The following CEP63 variants were observed in gnomAD, a reference collection of about 807,000 sequenced individuals.
The protein encoded by CEP63 is centrosomal protein of 63 kDa.
In CEP63, 84 loss-of-function variants were observed where a neutral mutation model predicts 89.1. The ratio of observed to expected loss-of-function variants is 0.94; its 90% CI spans 0.79 to 1.13. The LOEUF is 1.13. Ranked by LOEUF, CEP63 falls within the 50% of genes most tolerant of loss-of-function variation. The probability of loss-of-function intolerance (pLI) is 0.00; values close to 1 mark genes in which losing one functional copy is unlikely to be tolerated. For synonymous variants in CEP63, 267 were observed against 272.5 expected (o/e 0.98, Z 0.20); for missense variants, 838 against 813.3 (o/e 1.03, Z -0.37).
chr3:134,538,523 G>A (rs1478180245), intron 6 of CEP63, among the ~76,000 whole-genome samples: 1 of 111,626 alleles, frequency 9.0e-6, no homozygotes, highest in Non-Finnish European at 1.9e-5. Flanking sequence ...ATAAGAAATT[G>A]TGTGTGTGTG....
At chr3:134,508,483 C>T (rs1944018896) in intron 3 of CEP63, among the ~76,000 whole-genome samples, 1 of 152,098 alleles carries the variant, frequency 6.6e-6, no homozygotes, top group Non-Finnish European at 1.5e-5. Flanking sequence ...TTAGCTAGCA[C>T]TTTGTTTCTC....
chr3:134,733,976 G>A, the CEP63 span, among the ~76,000 whole-genome samples: 1 of 152,150 alleles, frequency 6.6e-6, no homozygotes, highest in African/African-American at 2.4e-5. Context: ...AAGCAAAGAT[G>A]CCCACTAACT....
At chr3:134,597,230 G>C in the CEP63 span, among the ~76,000 whole-genome samples, 1 of 152,214 alleles carries the variant, frequency 6.6e-6, no homozygotes, top group Non-Finnish European at 1.5e-5. Context: ...GCAGGGGCAA[G>C]AGGGAGAGAA....
intron 3 of CEP63, among the ~76,000 whole-genome samples, chr3:134,529,339 C>CTTTTTT (rs66493822): frequency 2.6e-5 from 3 of 116,938 alleles, no homozygotes; most frequent in Non-Finnish European, 5.0e-5. Context: ...TCCCCATTGA[C>CTTTTTT]TTTTTTTTTT....
At chr3:134,608,127 AC>A in the CEP63 span, 1 of 1,129,730 alleles carries the variant, frequency 8.9e-7, no homozygotes, top group Non-Finnish European at 1.1e-6. Context: ...TGCTGGTTGG[AC>A]CACCAACACC....
At chr3:134,632,170 C>G in the CEP63 span, among the ~76,000 whole-genome samples, 148,467 of 152,198 alleles carry the variant, frequency 0.98, 72,519 homozygotes, top group East Asian at 1. Flanking sequence ...AATTATAGTT[C>G]GAGATTTTAA....
the CEP63 span, chr3:134,603,449 A>C: frequency 1.3e-6 from 1 of 783,884 alleles, no homozygotes; most frequent in Non-Finnish European, 2.0e-6. Context: ...GAGGTGGGAC[A>C]CTGAGGCAGA....
chr3:134,509,326 AAAACTC>A (rs951358599), intron 3 of CEP63, among the ~76,000 whole-genome samples: 2 of 152,164 alleles, frequency 1.3e-5, no homozygotes, highest in African/African-American at 4.8e-5. Context: ...AGATCTCAGG[AAAACTC>A]ACTACAACGA....
At chr3:134,770,546 T>C in the CEP63 span, among the ~76,000 whole-genome samples, 2 of 152,350 alleles carry the variant, frequency 1.3e-5, no homozygotes, top group Admixed American at 6.5e-5. Context: ...CTTATATGAA[T>C]CTCTGATTTC....
At chr3:134,559,113 A>G (rs769739504) in intron 13 of CEP63, 37 bp from the exon 14 acceptor site, 4 of 1,610,120 alleles carry the variant, frequency 2.5e-6, no homozygotes, top group East Asian at 2.2e-5. Context: ...AGTTGCTACA[A>G]TTTTTTATTT....
At chr3:134,715,762 T>C in the CEP63 span, among the ~76,000 whole-genome samples, 1 of 152,062 alleles carries the variant, frequency 6.6e-6, no homozygotes, top group East Asian at 1.9e-4. Flanking sequence ...CACTTCAAAT[T>C]TCCCCTTTAC....
intron 13 of CEP63, 65 bp from the exon 14 acceptor site, chr3:134,559,085 T>C: frequency 6.4e-7 from 1 of 1,562,944 alleles, no homozygotes; most frequent in Non-Finnish European, 8.8e-7. Context: ...TTTCCTACAT[T>C]TCTGTTGGAA....
intron 2 of CEP63, among the ~76,000 whole-genome samples, chr3:134,505,045 T>G (rs1213731076): frequency 1.3e-5 from 2 of 152,238 alleles, no homozygotes; most frequent in Non-Finnish European, 2.9e-5. Flanking sequence ...ATTATCTGTG[T>G]TTTCTTCTAT....
At chr3:134,566,711 T>C (rs1957772371), downstream of CEP63, among the ~76,000 whole-genome samples, 1 of 152,128 alleles carries the variant, frequency 6.6e-6, no homozygotes, top group East Asian at 1.9e-4. Flanking sequence ...ATCAGAGAAA[T>C]GCAAATCAAA....
the CEP63 span, chr3:134,603,923 A>G: frequency 3.1e-6 from 5 of 1,613,890 alleles, no homozygotes; most frequent in Non-Finnish European, 4.2e-6. Context: ...ACGAAGATGT[A>G]GTTTCCTGGT....
the CEP63 span, among the ~76,000 whole-genome samples, chr3:134,774,186 A>T: frequency 7.2e-5 from 11 of 152,088 alleles, no homozygotes; most frequent in African/African-American, 2.4e-4. Flanking sequence ...TATGTGGCTG[A>T]TGTGGCTCCC....
intron 2 of CEP63, among the ~76,000 whole-genome samples, chr3:134,502,371 A>G (rs750447244): frequency 5.3e-5 from 8 of 152,080 alleles, no homozygotes; most frequent in Admixed American, 6.5e-5. Flanking sequence ...CTGCTCCTCA[A>G]TGTTTTGGAA....
At chr3:134,676,899 T>C in the CEP63 span, among the ~76,000 whole-genome samples, 2 of 152,194 alleles carry the variant, frequency 1.3e-5, no homozygotes, top group African/African-American at 4.8e-5. Context: ...TGCATTTCCA[T>C]CTCCACGTAT....
chr3:134,752,618 T>C, the CEP63 span, among the ~76,000 whole-genome samples: 2 of 152,074 alleles, frequency 1.3e-5, no homozygotes, highest in African/African-American at 4.8e-5. Context: ...ATTACAATAA[T>C]AAAAAGAAGA....
Sources: allele counts gnomAD v4.1 joint callset (sites outside exome capture counted in the v4.1 genomes callset), GRCh38; gene constraint gnomAD v4.1.1; transcripts MANE v1.5; gene names NCBI Gene and HGNC (gene_info 2026-07-23, HGNC 2026-07-21).